The following MPV17L variants were observed in gnomAD, a reference collection of about 807,000 sequenced individuals.
MPV17L encodes the protein MPV17 mitochondrial inner membrane protein like, also known as mpv17-like protein.
In MPV17L, 24 loss-of-function variants were observed where a neutral mutation model predicts 25.8. That is an observed-to-expected ratio of 0.93 (90% CI 0.67 to 1.31). The LOEUF is 1.31. MPV17L is among the 50% of genes most tolerant of loss of function. The pLI, the probability that MPV17L is intolerant of heterozygous loss-of-function variation, is 0.00. For synonymous variants in MPV17L, 102 were observed against 115.3 expected (o/e 0.88, Z 0.74); for missense variants, 250 against 265.6 (o/e 0.94, Z 0.41).
rs1381540594 is a variant in MPV17L at position 15,395,894 on chromosome 16, G to A, written c.-4G>A. ...TCCTGATCGCGGGCGCCCACAGCGC[G>A]GACATGGCGGGCTGGTGGCCGGCGT... On this transcript the variant is annotated 5_prime_UTR_variant, in exon 1 of 4. Coordinates refer to ENST00000396385, the MANE Select transcript of MPV17L (RefSeq NM_001128423.2). 2.2e-6 allele frequency: 3 copies of A among 1,395,008 alleles called. No homozygotes were observed. The highest frequency in any genetic ancestry group is 1.5e-5 in the African/African-American group (1 of 65,570). The allele number at this position is 1,395,008 out of a possible 1,614,324, so 86.4% of individuals were successfully genotyped here.
rs2050735003 is a variant in MPV17L at position 15,411,687 on chromosome 16, C to T, written c.*3575C>T. On this transcript the variant is annotated 3_prime_UTR_variant, in exon 4 of 4. Coordinates refer to ENST00000396385, the MANE Select transcript of MPV17L (RefSeq NM_001128423.2). Reference sequence around the variant, plus strand: ...ATTATAAGAAGGCTGGGCGCGGTGGCTCATGCTTGTAATCCCAGCACTTTG... The same window carrying T: ...ATTATAAGAAGGCTGGGCGCGGTGGTTCATGCTTGTAATCCCAGCACTTTG... The T allele has an allele frequency of 6.6e-6, 1 of 152,198 alleles. No individual in the cohort carries two copies. Among genetic ancestry groups the T allele is most frequent in the Non-Finnish European group, 1.5e-5 (1 of 68,072 alleles). The allele number at this position is 152,198 out of a possible 1,614,324, so 9.4% of individuals were successfully genotyped here.
intron 1 of MPV17L, among the ~76,000 whole-genome samples, chr16:15,396,424 T>G (rs2050584805): frequency 6.6e-6 from 1 of 152,076 alleles, no homozygotes. Flanking sequence ...CAGGAGGCAC[T>G]GGCTGGGGAG....
chr16:15,398,791 G>A (rs1382210151), intron 1 of MPV17L, among the ~76,000 whole-genome samples: 26 of 150,528 alleles, frequency 1.7e-4, no homozygotes, highest in Admixed American at 9.9e-4. Flanking sequence ...ACGGGGTTTC[G>A]CCAAGTTGGC....
intron 2 of MPV17L, among the ~76,000 whole-genome samples, chr16:15,402,765 G>A (rs1432398048): frequency 2.0e-5 from 3 of 151,990 alleles, no homozygotes; most frequent in South Asian, 2.1e-4. Flanking sequence ...TTTGCCTCCC[G>A]GGTTCAAGCA....
chr16:15,411,832 G>A lies in MPV17L; in HGVS notation c.*3720G>A, dbSNP rs2050736140. On this transcript the variant is annotated 3_prime_UTR_variant, in exon 4 of 4. Transcript: ENST00000396385. ...ACCGGACATGGTAGTGCGTCCTGTA[G>A]TCTCAGCTACTCAGGTGGCTGAGAC... 6.6e-6 allele frequency: 1 copy of A among 152,096 alleles called. No homozygotes were observed. The highest frequency in any genetic ancestry group is 6.6e-5 in the Admixed American group (1 of 15,260). The allele number at this position is 152,096 out of a possible 1,614,324, so 9.4% of individuals were successfully genotyped here. A position where few individuals can be genotyped will look rare whatever the true frequency, so the allele number is the denominator to read the frequency against.
chr16:15,398,981 G>A (rs1431709904), intron 1 of MPV17L, among the ~76,000 whole-genome samples: 1 of 152,080 alleles, frequency 6.6e-6, no homozygotes, highest in East Asian at 1.9e-4. Context: ...GTTTGCGTAA[G>A]GCTTTACATG....
intron 2 of MPV17L, among the ~76,000 whole-genome samples, chr16:15,403,054 TCTAA>T (rs1248386605): frequency 6.6e-6 from 1 of 150,736 alleles, no homozygotes; most frequent in Non-Finnish European, 1.5e-5. Context: ...GATATGTACA[TCTAA>T]CTTTTTTTTT....
chr16:15,401,058 GTATATATA>G lies in MPV17L; in HGVS notation c.381+223_381+230del, dbSNP rs548012835. ...TCAGGATTTTTTTGTATGTGTGTGTGTATATATATATATATATATATATATATATTTTT... is the reference window on the plus strand; with the variant it reads ...TCAGGATTTTTTTGTATGTGTGTGTGTATATATATATATATATATATTTTT... On this transcript the variant is annotated intron_variant, in intron 2 of 3. Transcript: ENST00000396385. Among the ~76,000 whole-genome samples, 190 of 44,244 alleles carry G rather than the reference GTATATATA, an allele frequency of 4.3e-3. 12 individuals carry two copies. The highest frequency in any genetic ancestry group is 0.023 in the South Asian group (20 of 862). 29.0% of individuals were successfully genotyped at this position (44,244 alleles called of 152,430 possible). A position where few individuals can be genotyped will look rare whatever the true frequency, so the allele number is the denominator to read the frequency against.
At position 15,395,915 on chromosome 16, in the gene MPV17L, G is replaced by A. The variant is rs1272650954; in HGVS notation, c.18G>A (p.Pro6=). The part of the protein sequence containing the change: MAGWW[P]ALSRAARRHP... ...GCGCGGACATGGCGGGCTGGTGGCC[G>A]GCGTTGTCGCGCGCGGCCCGGCGCC... The change falls in exon 1 of 4, where the codon CCG becomes CCA. Residue 6 remains proline (P), a synonymous_variant. Coordinates refer to ENST00000396385, the MANE Select transcript of MPV17L (RefSeq NM_001128423.2). 3 of 1,416,114 alleles carry A rather than the reference G, an allele frequency of 2.1e-6. No individual in the cohort carries two copies. The highest frequency in any genetic ancestry group is 3.4e-5 in the Admixed American group (1 of 29,228). The allele number at this position is 1,416,114 out of a possible 1,614,324, so 87.7% of individuals were successfully genotyped here.
chr16:15,406,522 A>G (rs1448452347), intron 2 of MPV17L, among the ~76,000 whole-genome samples: 2 of 152,194 alleles, frequency 1.3e-5, no homozygotes, highest in East Asian at 3.8e-4. Flanking sequence ...ATGTCTATCT[A>G]ACATATTTTG....
At chr16:15,401,044 T>G (rs2050630290) in intron 2 of MPV17L, among the ~76,000 whole-genome samples, 187 bp downstream of exon 2, 1 of 134,976 alleles carries the variant, frequency 7.4e-6, no homozygotes, top group Admixed American at 8.2e-5. Context: ...CAGGATTTTT[T>G]TGTATGTGTG....
chr16:15,407,320 C>T (rs764341124), intron 2 of MPV17L, among the ~76,000 whole-genome samples: 1 of 152,176 alleles, frequency 6.6e-6, no homozygotes, highest in Non-Finnish European at 1.5e-5. Flanking sequence ...CCAACCCCCT[C>T]ACTCTAGAGG....
rs1005943290 is a variant in MPV17L, at chr16:15,410,751, A to G, written c.*2639A>G. The G allele has an allele frequency of 2.0e-5, 3 of 152,218 alleles. No homozygotes were observed. The highest frequency in any genetic ancestry group is 1.9e-4 in the East Asian group (1 of 5,202). The allele number at this position is 152,218 out of a possible 1,614,324, so 9.4% of individuals were successfully genotyped here. On this transcript the variant is annotated 3_prime_UTR_variant, in exon 4 of 4. Coordinates refer to ENST00000396385, the MANE Select transcript of MPV17L (RefSeq NM_001128423.2). ...ATAATTTGTTTATGTAAGTTTCTGT[A>G]AGTCATAAATATGTAGTTTCCAAGT...
At chr16:15,405,745 G>A (rs2150907418) in intron 2 of MPV17L, among the ~76,000 whole-genome samples, 1 of 150,940 alleles carries the variant, frequency 6.6e-6, no homozygotes, top group East Asian at 2.0e-4. Flanking sequence ...TATATTTAAA[G>A]CATATTTAAC....
At chr16:15,406,584 A>C (rs1192891868) in intron 2 of MPV17L, among the ~76,000 whole-genome samples, 1 of 152,156 alleles carries the variant, frequency 6.6e-6, no homozygotes, top group Non-Finnish European at 1.5e-5. Context: ...CATGGTTTCA[A>C]TATATTATTA....
At position 15,401,644 on chromosome 16, in the gene MPV17L, AC is replaced by A. The variant is rs1483893649; in HGVS notation, c.381+790del. 3.3e-5 allele frequency among the ~76,000 whole-genome samples: 5 copies of A among 152,032 alleles called. No individual in the cohort carries two copies. The East Asian group carries it at 9.7e-4, about 29-fold the overall frequency. On this transcript the variant is annotated intron_variant, in intron 2 of 3. Coordinates refer to ENST00000396385, the MANE Select transcript of MPV17L (RefSeq NM_001128423.2). ...AAACCAGCCTGGCCAATATGGTGAAACCCTGTTTCTACTAAAAATACAAAAA... is the reference window on the plus strand; with the variant it reads ...AAACCAGCCTGGCCAATATGGTGAAACCTGTTTCTACTAAAAATACAAAAA...
chr16:15,396,308 C>G (rs1318670365), intron 1 of MPV17L, 101 bp downstream of exon 1: 3 of 1,415,320 alleles, frequency 2.1e-6, no homozygotes, highest in South Asian at 2.7e-5. Context: ...GCTGCAGGAG[C>G]CTGGGGACCC....
In MPV17L at chr16:15,395,831, G is replaced by A. The variant is rs61133655; in HGVS notation, c.-67G>A. On this transcript the variant is annotated 5_prime_UTR_variant, in exon 1 of 4. Coordinates refer to ENST00000396385, the MANE Select transcript of MPV17L (RefSeq NM_001128423.2). Reference sequence around the variant, plus strand: ...GCAGTAGCTGCTGGAGGCTGGGGAGGCCCGGACCCGGTGCAGGAAGACGCC... The same window carrying A: ...GCAGTAGCTGCTGGAGGCTGGGGAGACCCGGACCCGGTGCAGGAAGACGCC... The A allele has an allele frequency of 3.7e-4, 491 of 1,321,332 alleles. 2 individuals are homozygous for A. The African/African-American group carries it at 6.5e-3, about 17-fold the overall frequency. The allele number at this position is 1,321,332 out of a possible 1,614,324, so 81.9% of individuals were successfully genotyped here. A position where few individuals can be genotyped will look rare whatever the true frequency, so the allele number is the denominator to read the frequency against.
Sources: allele counts gnomAD v4.1 joint callset (sites outside exome capture counted in the v4.1 genomes callset), GRCh38; gene constraint gnomAD v4.1.1; transcripts MANE v1.5; gene names NCBI Gene and HGNC (gene_info 2026-07-23, HGNC 2026-07-21).